Variants in LPAR1 observed in about 807,000 individuals in gnomAD.
The protein encoded by LPAR1 is lysophosphatidic acid receptor 1, also known as LPA receptor 1.
LPAR1 carries 5 observed loss-of-function variants against 23.8 expected under a neutral mutation model. The observed-to-expected ratio is 0.21, with a 90% CI of 0.11 to 0.44. The LOEUF (loss-of-function observed/expected upper bound fraction) is 0.44. LPAR1 is among the 20% of genes least tolerant of loss of function. The pLI, the probability that LPAR1 is intolerant of heterozygous loss-of-function variation, is 0.99. For missense variants in LPAR1, 311 were observed against 482.8 expected (o/e 0.64, Z 3.33); for synonymous variants, 160 against 164.7 (o/e 0.97, Z 0.22).
At chr9:110,958,269 A>G (rs756393945) in intron 4 of LPAR1, among the ~76,000 whole-genome samples, 4 of 152,244 alleles carry the variant, frequency 2.6e-5, no homozygotes, top group Non-Finnish European at 5.9e-5. Context: ...CTAAATAGCT[A>G]AAGCAATCCT....
chr9:111,000,317 T>C (rs2097104729), intron 2 of LPAR1, among the ~76,000 whole-genome samples: 2 of 152,230 alleles, frequency 1.3e-5, no homozygotes, highest in African/African-American at 4.8e-5. Flanking sequence ...AATTCTAACA[T>C]GAAAAATTTC....
At chr9:111,035,222 C>T (rs2097870400) in intron 2 of LPAR1, among the ~76,000 whole-genome samples, 1 of 142,316 alleles carries the variant, frequency 7.0e-6, no homozygotes, top group Admixed American at 7.0e-5. Context: ...TAATAGTTTT[C>T]CCTAAGATTT....
Position 110,875,548 on chromosome 9 carries a change from C to CT in LPAR1, c.967dup (p.Arg323LysfsTer10). 6.2e-7 allele frequency: 1 copy of CT among 1,614,060 alleles called. No individual in the cohort carries two copies. The highest frequency in any genetic ancestry group is 1.1e-5 in the South Asian group (1 of 91,060). ...ACTGCGCTGGCAGCAGAGGATCTGC[C>CT]TAAAGGTGGCGCTCATTTCTTTGTC... On this transcript the variant is annotated frameshift_variant, in exon 6 of 6. Coordinates refer to ENST00000683809, the MANE Select transcript of LPAR1 (RefSeq NM_001351411.2). LOFTEE classifies it high-confidence loss of function.
At chr9:111,027,693 C>T (rs569624700) in intron 2 of LPAR1, among the ~76,000 whole-genome samples, 1 of 151,504 alleles carries the variant, frequency 6.6e-6, no homozygotes, top group South Asian at 2.1e-4. Context: ...CAAAGTTGAC[C>T]TTTGAGTTAA....
At chr9:110,879,279 G>A (rs189626403) in intron 5 of LPAR1, among the ~76,000 whole-genome samples, 11 of 151,884 alleles carry the variant, frequency 7.2e-5, no homozygotes, top group East Asian at 1.9e-4. Context: ...TTAGCCAGGC[G>A]TGGTGGCGCA....
At chr9:111,024,544 GTATA>G (rs560466463) in intron 2 of LPAR1, among the ~76,000 whole-genome samples, 1 of 108,038 alleles carries the variant, frequency 9.3e-6, no homozygotes, top group Non-Finnish European at 2.0e-5. Context: ...GTGTGTGTGT[GTATA>G]TATATACACA....
At chr9:110,997,451 T>C (rs2097036119) in intron 2 of LPAR1, among the ~76,000 whole-genome samples, 1 of 152,346 alleles carries the variant, frequency 6.6e-6, no homozygotes, top group East Asian at 1.9e-4. Flanking sequence ...CTTCTACTAA[T>C]TCCTAGTAAG....
intron 5 of LPAR1, among the ~76,000 whole-genome samples, chr9:110,912,652 C>A (rs758873875): frequency 4.6e-5 from 7 of 152,096 alleles, no homozygotes; most frequent in Non-Finnish European, 8.8e-5. Context: ...CTGGCATGGT[C>A]TAAATTTGAA....
In LPAR1 at chr9:111,012,477, A is replaced by G. The variant is rs980010085; in HGVS notation, c.-182+23645T>C. On this transcript the variant is annotated intron_variant, in intron 2 of 5. Coordinates refer to ENST00000683809, the MANE Select transcript of LPAR1 (RefSeq NM_001351411.2). ...TGCATGTACGCACGCGCGCACACAC[A>G]CACACACACACACACACATACACAC... Among the ~76,000 whole-genome samples the G allele has an allele frequency of 2.5e-3, 384 of 151,164 alleles. 2 individuals are homozygous for G. The highest frequency in any genetic ancestry group is 8.7e-3 in the African/African-American group (355 of 40,820).
chr9:110,893,404 G>A (rs181668654), intron 5 of LPAR1, among the ~76,000 whole-genome samples: 155 of 152,288 alleles, frequency 1.0e-3, no homozygotes, highest in African/African-American at 3.5e-3. Context: ...GATTGGCACT[G>A]CTCTATCATA....
chr9:110,972,471 C>G (rs902540839), intron 3 of LPAR1, among the ~76,000 whole-genome samples: 1 of 152,148 alleles, frequency 6.6e-6, no homozygotes, highest in African/African-American at 2.4e-5. Context: ...TTTGGGAAGA[C>G]AGTTTCAAGT....
intron 2 of LPAR1, among the ~76,000 whole-genome samples, chr9:111,025,819 C>G (rs1202575203): frequency 6.6e-6 from 1 of 152,110 alleles, no homozygotes; most frequent in Non-Finnish European, 1.5e-5. Context: ...TTCCCCATTG[C>G]TTGTTTTTGT....
rs73655667 is a variant in LPAR1 at position 110,904,070 on chromosome 9, C to T, written c.794-28348G>A. ...TCTTCAAATTCTATATCCAGGAAAA[C>T]TATACTTCAAGAATGAAGGGAATAT... On this transcript the variant is annotated intron_variant, in intron 5 of 5. Coordinates refer to ENST00000683809, the MANE Select transcript of LPAR1 (RefSeq NM_001351411.2). 3.7e-3 allele frequency among the ~76,000 whole-genome samples: 567 copies of T among 152,036 alleles called. 1 individual carries two copies. The highest frequency in any genetic ancestry group is 0.013 in the African/African-American group (520 of 41,468).
chr9:110,935,843 G>A (rs981200135), intron 5 of LPAR1, among the ~76,000 whole-genome samples: 3 of 152,140 alleles, frequency 2.0e-5, no homozygotes, highest in East Asian at 1.9e-4. Context: ...ACCCTTCATC[G>A]TCTCCCAACT....
intron 4 of LPAR1, among the ~76,000 whole-genome samples, chr9:110,944,669 A>T (rs2095308363): frequency 6.6e-6 from 1 of 152,222 alleles, no homozygotes; most frequent in South Asian, 2.1e-4. Context: ...GGCAAAATTA[A>T]GAAGTATAAA....
At position 110,911,983 on chromosome 9, in the gene LPAR1, C is replaced by G. The variant is rs529390396; in HGVS notation, c.793+29438G>C. On this transcript the variant is annotated intron_variant, in intron 5 of 5. Coordinates refer to ENST00000683809, the MANE Select transcript of LPAR1 (RefSeq NM_001351411.2). ...CCGGAAAGCAGAAAGGCTAGGGAGA[C>G]AGTATCTCAGTCTAAAGAAAACCTA... Among the ~76,000 whole-genome samples, 39 of 152,210 alleles carry G rather than the reference C, an allele frequency of 2.6e-4. No individual in the cohort carries two copies. In the South Asian group the frequency reaches 8.1e-3, roughly 32 times the overall value.
At chr9:110,879,817 G>A (rs1230177896) in intron 5 of LPAR1, among the ~76,000 whole-genome samples, 2 of 152,198 alleles carry the variant, frequency 1.3e-5, no homozygotes. Context: ...AAGGACTGGA[G>A]AAGTATTTAG....
intron 2 of LPAR1, among the ~76,000 whole-genome samples, chr9:111,024,794 T>A (rs141531260): frequency 6.6e-6 from 1 of 151,710 alleles, no homozygotes; most frequent in African/African-American, 2.4e-5. Flanking sequence ...AGTGAGAACA[T>A]GCAGTGTTAG....
rs80014683 is a variant in LPAR1, at chr9:110,945,824, A to T, written c.46-3656T>A. ...TCATCTTCAAAAGCTAGTAATGACT[A>T]GTCAGGTCTTTCTCACATGACTGAC... On this transcript the variant is annotated intron_variant, in intron 4 of 5. Transcript: ENST00000683809. Among the ~76,000 whole-genome samples the T allele has an allele frequency of 6.0e-3, 915 of 152,252 alleles. 3 individuals carry two copies. Among genetic ancestry groups the T allele is most frequent in the Non-Finnish European group, 0.01 (713 of 68,008 alleles).
Sources: gnomAD v4.1 joint callset for allele counts (sites outside exome capture counted in the v4.1 genomes callset) on GRCh38, gnomAD v4.1.1 for gene constraint, MANE v1.5 for transcripts, NCBI Gene and HGNC (gene_info 2026-07-23, HGNC 2026-07-21) for gene names.